Variants in RIMKLA observed in about 807,000 individuals in gnomAD.
RIMKLA encodes the protein N-acetylaspartylglutamate synthase A.
Under a neutral mutation model 32.7 loss-of-function variants are expected in RIMKLA, and 14 were observed. The observed-to-expected ratio is 0.43, with a 90% confidence interval of 0.28 to 0.67. The LOEUF (loss-of-function observed/expected upper bound fraction) is 0.67, where lower values mean the gene tolerates loss of function less well. Among genes scored for constraint, RIMKLA ranks in the 30% least tolerant of loss-of-function variants. The pLI, the probability that RIMKLA is intolerant of heterozygous loss-of-function variation, is 0.18. For missense variants in RIMKLA, 410 were observed against 519.0 expected (o/e 0.79, Z 2.04); for synonymous variants, 176 against 204.1 (o/e 0.86, Z 1.18).
rs536446871 is a variant in RIMKLA at position 42,384,714 on chromosome 1, A to G, written c.163+3617A>G. On this transcript the variant is annotated intron_variant, in intron 1 of 4. Coordinates refer to ENST00000431473, the MANE Select transcript of RIMKLA (RefSeq NM_173642.4). Reference sequence around the variant, plus strand: ...TACCTATTAGCTCTTCTAAATGCCAATAAGGATATATGGGAATATAGCACT... The same window carrying G: ...TACCTATTAGCTCTTCTAAATGCCAGTAAGGATATATGGGAATATAGCACT... Among the ~76,000 whole-genome samples the G allele has an allele frequency of 1.1e-3, 160 of 152,074 alleles. 1 individual carries two copies. Among genetic ancestry groups the G allele is most frequent in the African/African-American group, 3.7e-3 (154 of 41,472 alleles).
At position 42,422,099 on chromosome 1, in the gene RIMKLA, T is replaced by C. The variant is rs543556406; in HGVS notation, c.*7125T>C. ...ACATTTGTCAGCACACCACTGCTGC[T>C]GGGAGACAGAGAGAAGAAACTGATA... On this transcript the variant is annotated 3_prime_UTR_variant, in exon 5 of 5. Coordinates refer to ENST00000431473, the MANE Select transcript of RIMKLA (RefSeq NM_173642.4). 43 of 152,308 alleles carry C rather than the reference T, an allele frequency of 2.8e-4. No homozygotes were observed. Among genetic ancestry groups the C allele is most frequent in the African/African-American group, 1.0e-3 (43 of 41,564 alleles). The allele number at this position is 152,308 out of a possible 1,614,324, so 9.4% of individuals were successfully genotyped here. A position where few individuals can be genotyped will look rare whatever the true frequency, so the allele number is the denominator to read the frequency against.
Position 42,418,872 on chromosome 1 carries a change from C to A in RIMKLA, c.*3898C>A, listed in dbSNP as rs1251310425. On this transcript the variant is annotated 3_prime_UTR_variant, in exon 5 of 5. Transcript: ENST00000431473. ...GCCTTAGCAGGTCAGTTTAAGGAGTCAGGTCAGAGAATAAATCCAACCTTA... is the reference window on the plus strand; with the variant it reads ...GCCTTAGCAGGTCAGTTTAAGGAGTAAGGTCAGAGAATAAATCCAACCTTA... 1 of 152,220 alleles carries A rather than the reference C, an allele frequency of 6.6e-6. No individual in the cohort carries two copies. Among genetic ancestry groups the A allele is most frequent in the African/African-American group, 2.4e-5 (1 of 41,436 alleles). 9.4% of individuals were successfully genotyped at this position (152,220 alleles called of 1,614,324 possible).
rs999609356 is a variant in RIMKLA at position 42,417,028 on chromosome 1, G to A, written c.*2054G>A. On this transcript the variant is annotated 3_prime_UTR_variant, in exon 5 of 5. Coordinates refer to ENST00000431473, the MANE Select transcript of RIMKLA (RefSeq NM_173642.4). ...ACCACTCAGGGTGGCTTTAAAAGAC[G>A]GACAGCTTTAGGTTTGTTCTCACTG... 2.0e-5 allele frequency: 3 copies of A among 152,304 alleles called. No individual in the cohort carries two copies. The highest frequency in any genetic ancestry group is 6.5e-5 in the Admixed American group (1 of 15,300). The allele number at this position is 152,304 out of a possible 1,614,324, so 9.4% of individuals were successfully genotyped here.
intron 3 of RIMKLA, among the ~76,000 whole-genome samples, chr1:42,405,270 A>G (rs1415742930): frequency 3.3e-5 from 5 of 152,042 alleles, no homozygotes; most frequent in Non-Finnish European, 5.9e-5. Flanking sequence ...TTTCCATAGC[A>G]TTTTGTATGT....
Position 42,415,361 on chromosome 1 carries a change from T to G in RIMKLA, c.*387T>G, listed in dbSNP as rs116228323. On this transcript the variant is annotated 3_prime_UTR_variant, in exon 5 of 5. Transcript: ENST00000431473. ...GGGATGGAAGCATGTGCAGACGAGG[T>G]GGAATGTGACTGCAGTAATAGGTTC... 4.9e-6 allele frequency: 1 copy of G among 202,322 alleles called. No individual in the cohort carries two copies. The highest frequency in any genetic ancestry group is 2.3e-5 in the African/African-American group (1 of 42,768). The allele number at this position is 202,322 out of a possible 1,614,324, so 12.5% of individuals were successfully genotyped here. A position where few individuals can be genotyped will look rare whatever the true frequency, so the allele number is the denominator to read the frequency against.
At chr1:42,394,310 T>C (rs988339973) in intron 1 of RIMKLA, among the ~76,000 whole-genome samples, 6 of 152,230 alleles carry the variant, frequency 3.9e-5, no homozygotes, top group Non-Finnish European at 8.8e-5. Context: ...GTGTTGAAGC[T>C]TTCTTTAGTG....
chr1:42,383,357 T>G (rs530032390), intron 1 of RIMKLA, among the ~76,000 whole-genome samples: 1 of 152,166 alleles, frequency 6.6e-6, no homozygotes. Flanking sequence ...GTCCAAAGAT[T>G]TGTTATGGAA....
intron 3 of RIMKLA, among the ~76,000 whole-genome samples, chr1:42,407,238 T>A (rs76854565): frequency 6.6e-6 from 1 of 152,248 alleles, no homozygotes; most frequent in Non-Finnish European, 1.5e-5. Context: ...TTATTAGATA[T>A]ATAACAACAT....
intron 4 of RIMKLA, among the ~76,000 whole-genome samples, chr1:42,412,131 A>C (rs1643203845): frequency 6.6e-6 from 1 of 152,188 alleles, no homozygotes; most frequent in Non-Finnish European, 1.5e-5. Context: ...ACCGTTTTAT[A>C]GCCTTTTTTA....
At chr1:42,404,177 T>G (rs1309921948) in intron 2 of RIMKLA, among the ~76,000 whole-genome samples, 1 of 152,188 alleles carries the variant, frequency 6.6e-6, no homozygotes, top group African/African-American at 2.4e-5. Flanking sequence ...GAGGGGATTA[T>G]ACAAGGAGCT....
At chr1:42,393,816 T>C (rs922036546) in intron 1 of RIMKLA, among the ~76,000 whole-genome samples, 1 of 152,200 alleles carries the variant, frequency 6.6e-6, no homozygotes, top group Non-Finnish European at 1.5e-5. Context: ...AAAGTCTCAC[T>C]CTTGTCCCCC....
At chr1:42,400,624 C>G (rs1270292292) in intron 2 of RIMKLA, among the ~76,000 whole-genome samples, 1 of 152,096 alleles carries the variant, frequency 6.6e-6, no homozygotes, top group Non-Finnish European at 1.5e-5. Flanking sequence ...CAAACATTTG[C>G]TAAGACTAGA....
chr1:42,403,875 A>G (rs1442225496), intron 2 of RIMKLA, among the ~76,000 whole-genome samples: 1 of 152,154 alleles, frequency 6.6e-6, no homozygotes, highest in Non-Finnish European at 1.5e-5. Flanking sequence ...GTTGACGTTC[A>G]GTTTCTTGTA....
chr1:42,393,717 GT>G (rs974335572), intron 1 of RIMKLA, among the ~76,000 whole-genome samples: 1 of 152,216 alleles, frequency 6.6e-6, no homozygotes, highest in African/African-American at 2.4e-5. Flanking sequence ...GCCAAGTCAT[GT>G]TTGGATGACA....
chr1:42,385,808 T>TCCTTCCTTCC (rs1314424316), intron 1 of RIMKLA, among the ~76,000 whole-genome samples: 6 of 75,986 alleles, frequency 7.9e-5, no homozygotes, highest in Admixed American at 2.6e-4. Flanking sequence ...TCTCTCTCTC[T>TCCTTCCTTCC]TTCCTTCCTT....
rs943764217 is a variant in RIMKLA at position 42,416,326 on chromosome 1, T to C, written c.*1352T>C. On this transcript the variant is annotated 3_prime_UTR_variant, in exon 5 of 5. Coordinates refer to ENST00000431473, the MANE Select transcript of RIMKLA (RefSeq NM_173642.4). ...TGATGTTGCATGTGCCAAGAACACTTAGGGTTCCCCTTTGGGATTACCTTT... is the reference window on the plus strand; with the variant it reads ...TGATGTTGCATGTGCCAAGAACACTCAGGGTTCCCCTTTGGGATTACCTTT... 1.3e-5 allele frequency: 2 copies of C among 152,190 alleles called. No homozygotes were observed. The highest frequency in any genetic ancestry group is 2.9e-5 in the Non-Finnish European group (2 of 68,040). The allele number at this position is 152,190 out of a possible 1,614,324, so 9.4% of individuals were successfully genotyped here.
In RIMKLA at chr1:42,380,825, C is replaced by T. The variant is rs1391114444; in HGVS notation, c.-110C>T. 9.0e-6 allele frequency: 5 copies of T among 552,912 alleles called. No homozygotes were observed. Among genetic ancestry groups the T allele is most frequent in the Admixed American group, 5.6e-5 (1 of 17,906 alleles). 34.3% of individuals were successfully genotyped at this position (552,912 alleles called of 1,614,324 possible). Reference sequence around the variant, plus strand: ...GCCTGGCGCACCCGCGGGAGCGGAGCCGTGGCGCGCTCGCCCCGGACGCCG... The same window carrying T: ...GCCTGGCGCACCCGCGGGAGCGGAGTCGTGGCGCGCTCGCCCCGGACGCCG... On this transcript the variant is annotated 5_prime_UTR_variant, in exon 1 of 5. Transcript: ENST00000431473.
In RIMKLA at chr1:42,423,747, G is replaced by A. The variant is rs1317208276; in HGVS notation, c.*8773G>A. On this transcript the variant is annotated 3_prime_UTR_variant, in exon 5 of 5. Transcript: ENST00000431473. Reference sequence around the variant, plus strand: ...GGACTCTCCCAGCTTCATGCTGCTGGCACCCACTTGTCTATCACGCTGGTA... The same window carrying A: ...GGACTCTCCCAGCTTCATGCTGCTGACACCCACTTGTCTATCACGCTGGTA... Among the ~76,000 whole-genome samples, 1 of 152,134 alleles carries A rather than the reference G, an allele frequency of 6.6e-6. No individual in the cohort carries two copies. Among genetic ancestry groups the A allele is most frequent in the Non-Finnish European group, 1.5e-5 (1 of 68,026 alleles).
intron 3 of RIMKLA, among the ~76,000 whole-genome samples, chr1:42,405,462 C>A (rs1436482387): frequency 6.6e-6 from 1 of 152,152 alleles, no homozygotes; most frequent in Non-Finnish European, 1.5e-5. Flanking sequence ...AAGGAGTCTT[C>A]CTGCAGTATA....
Sources: gnomAD v4.1 joint callset for allele counts (sites outside exome capture counted in the v4.1 genomes callset) on GRCh38, gnomAD v4.1.1 for gene constraint, MANE v1.5 for transcripts, NCBI Gene and HGNC (gene_info 2026-07-23, HGNC 2026-07-21) for gene names.